Variants in DNAH8 observed in about 807,000 individuals in gnomAD.
The protein encoded by DNAH8 is axonemal beta dynein heavy chain 8.
A neutral mutation model predicts 562.1 loss-of-function variants in DNAH8; 382 were observed. The ratio of observed to expected loss-of-function variants is 0.68; its 90% CI spans 0.63 to 0.74. DNAH8 has a LOEUF of 0.74. Ranked by LOEUF, DNAH8 falls within the 30% of genes least tolerant of loss-of-function variation. The pLI, the probability that DNAH8 is intolerant of heterozygous loss-of-function variation, is 0.00. For missense variants in DNAH8, 5,203 were observed against 5,620.4 expected, an observed-to-expected ratio of 0.93 and a Z score of 2.37; for synonymous variants, 1,881 against 1,919.4, an observed-to-expected ratio of 0.98 and a Z score of 0.52.
chr6:38,744,032 C>A (rs1485475608), intron 8 of DNAH8: 1 of 152,066 alleles, frequency 6.6e-6, no homozygotes, highest in Non-Finnish European at 1.5e-5. Flanking sequence ...GTTGGACACT[C>A]CACAACTTTT....
chr6:38,734,500 A>G lies in DNAH8; in HGVS notation c.637A>G (p.Thr213Ala). 6.2e-7 allele frequency: 1 copy of G among 1,613,870 alleles called. No individual in the cohort carries two copies. The highest frequency in any genetic ancestry group is 8.5e-7 in the Non-Finnish European group (1 of 1,179,950). Reference protein sequence around the residue: ...IECGRTIAGATKGAKMMKLYI... With the variant: ...IECGRTIAGAAKGAKMMKLYI... ...ATGTGGTCGAACTATTGCTGGAGCA[A>G]CTAAAGGGGCAAAAATGATGAAATT... is the stretch of plus-strand genomic sequence containing the variant. The change falls in exon 5 of 93, where the codon ACT becomes GCT. Residue 213 changes from threonine to alanine, a missense_variant. Thr to Ala is a moderately conservative substitution (Grantham distance 58). Around this residue, in one of 6 missense-constraint regions of DNAH8, gnomAD observed 556 missense variants for 496.9 expected, o/e 1.12. Coordinates refer to ENST00000327475, the MANE Select transcript of DNAH8 (RefSeq NM_001206927.2).
chr6:38,952,331 C>G (rs557569226), intron 82 of DNAH8, among the ~76,000 whole-genome samples: 1 of 152,102 alleles, frequency 6.6e-6, no homozygotes, highest in Admixed American at 6.5e-5. Flanking sequence ...CAGGACTGAG[C>G]CATCCTGTAA....
intron 10 of DNAH8, among the ~76,000 whole-genome samples, chr6:38,758,944 A>T (rs985403023): frequency 7.2e-5 from 11 of 152,142 alleles, no homozygotes; most frequent in African/African-American, 2.7e-4. Flanking sequence ...TATTTTATTG[A>T]GGATTTTTGC....
chr6:38,721,643 G>C (rs903180942), intron 1 of DNAH8, among the ~76,000 whole-genome samples: 7 of 152,176 alleles, frequency 4.6e-5, no homozygotes, highest in African/African-American at 1.7e-4. Flanking sequence ...TGGGTAAACT[G>C]GTTAACTAGC....
At position 38,737,823 on chromosome 6, in the gene DNAH8, A is replaced by G. The variant is rs1764214774; in HGVS notation, c.967A>G (p.Ile323Val). The change falls in exon 7 of 93, where the codon ATT becomes GTT. Residue 323 changes from isoleucine to valine, a missense_variant. Physicochemically the swap from Ile to Val is conservative, Grantham distance 29. This residue lies in a region of DNAH8 where 556 missense variants were observed against 496.9 expected (regional missense o/e 1.12). Transcript: ENST00000327475. Reference protein sequence around the residue: ...LSFLDGARISIEGTVKLKTID... With the variant: ...LSFLDGARISVEGTVKLKTID... ...TTCCTTTTTAGGTGCTAGAATAAGT[A>G]TTGAGGGAACAGTGAAGTTAAAGAC... 1.3e-6 allele frequency: 2 copies of G among 1,543,264 alleles called. No homozygotes were observed. Among genetic ancestry groups the G allele is most frequent in the African/African-American group, 1.4e-5 (1 of 70,640 alleles).
At chr6:38,978,719 C>A (rs985750738) in intron 85 of DNAH8, among the ~76,000 whole-genome samples, 3 of 152,130 alleles carry the variant, frequency 2.0e-5, no homozygotes, top group Non-Finnish European at 4.4e-5. Flanking sequence ...TGAGGTAGAA[C>A]CTAACGTAAA....
At chr6:38,809,160 A>C (rs750212305) in intron 24 of DNAH8, among the ~76,000 whole-genome samples, 1 of 151,498 alleles carries the variant, frequency 6.6e-6, no homozygotes, top group Non-Finnish European at 1.5e-5. Context: ...TTAATTCATA[A>C]GTATTCTTAG....
Position 38,786,638 on chromosome 6 carries a change from G to A in DNAH8, c.2396-127G>A, listed in dbSNP as rs1021561809. On this transcript the variant is annotated intron_variant, in intron 17 of 92. Coordinates refer to ENST00000327475, the MANE Select transcript of DNAH8 (RefSeq NM_001206927.2). The stretch of plus-strand genomic sequence containing the variant: ...GCCAGACGCTGTGCCTTAGCACCTG[G>A]GGCATCCAAAACATTTCCTTTGCCC... 2.7e-5 allele frequency: 23 copies of A among 866,768 alleles called. No homozygotes were observed. In the East Asian group the frequency reaches 4.3e-4, roughly 16 times the overall value. 53.7% of individuals were successfully genotyped at this position (866,768 alleles called of 1,614,324 possible). A position where few individuals can be genotyped will look rare whatever the true frequency, so the allele number is the denominator to read the frequency against.
chr6:38,974,677 T>C (rs745592915), intron 85 of DNAH8, 148 bp downstream of exon 85: 7 of 633,862 alleles, frequency 1.1e-5, no homozygotes, highest in Non-Finnish European at 1.9e-5. Context: ...CCTGGTATAG[T>C]GTATATTTGT....
At chr6:38,759,892 G>A (rs1450961274) in intron 10 of DNAH8, among the ~76,000 whole-genome samples, 91 of 152,212 alleles carry the variant, frequency 6.0e-4, no homozygotes, top group Non-Finnish European at 7.4e-5. Flanking sequence ...TGCCCATGCT[G>A]TGTTCAGAGT....
At chr6:38,992,604 G>A (rs916659067) in intron 88 of DNAH8, among the ~76,000 whole-genome samples, 2 of 152,138 alleles carry the variant, frequency 1.3e-5, no homozygotes, top group African/African-American at 4.8e-5. Context: ...TCCTTGACAA[G>A]AGACTGGGGA....
rs751697426 is a variant in DNAH8, at chr6:38,931,894, C to T, written c.11358C>T (p.Thr3786=). The change falls in exon 76 of 93, where the codon ACC becomes ACT. Residue 3786 remains threonine, a synonymous_variant. Transcript: ENST00000327475. ...ITTKLPNPAF[T]PEINAKTSVI... ...CGAAGTTACCAAATCCTGCCTTTACCCCAGAGATTAATGCTAAAACGTCAG... is the reference window on the plus strand; with the variant it reads ...CGAAGTTACCAAATCCTGCCTTTACTCCAGAGATTAATGCTAAAACGTCAG... 3 of 1,610,838 alleles carry T rather than the reference C, an allele frequency of 1.9e-6. No homozygotes were observed. The highest frequency in any genetic ancestry group is 2.5e-6 in the Non-Finnish European group (3 of 1,178,562).
chr6:38,727,906 C>G (rs1016942831), intron 3 of DNAH8, among the ~76,000 whole-genome samples: 7 of 152,116 alleles, frequency 4.6e-5, no homozygotes, highest in Non-Finnish European at 1.0e-4. Flanking sequence ...AATTTGGACA[C>G]CCAAAGCTGA....
chr6:38,974,549 T>C lies in DNAH8; in HGVS notation c.12834+20T>C. On this transcript the variant is annotated intron_variant, in intron 85 of 92. Transcript: ENST00000327475. ...GTGCAGGTAACTGCAGAAAGCAGTT[T>C]TCACATTTAGGAGATGGCCAGTGGT... The C allele has an allele frequency of 4.4e-6, 7 of 1,607,974 alleles. No individual in the cohort carries two copies. In the South Asian group the frequency reaches 7.8e-5, roughly 18 times the overall value.
At chr6:38,856,457 A>G (rs769907292) in intron 41 of DNAH8, among the ~76,000 whole-genome samples, 2 of 151,912 alleles carry the variant, frequency 1.3e-5, no homozygotes, top group African/African-American at 4.8e-5. Flanking sequence ...CTGCTGGTCT[A>G]TTTGTCTTTA....
Position 38,817,789 on chromosome 6 carries a change from G to T in DNAH8, c.3523+2132G>T, listed in dbSNP as rs191977494. On this transcript the variant is annotated intron_variant, in intron 26 of 92. Transcript: ENST00000327475. ...AGAGGCAAGAAGAGCTAGGGAAAAAGCATGTGGATGTATCTATGAATTTAC... is the reference window on the plus strand; with the variant it reads ...AGAGGCAAGAAGAGCTAGGGAAAAATCATGTGGATGTATCTATGAATTTAC... Among the ~76,000 whole-genome samples the T allele has an allele frequency of 2.0e-5, 3 of 152,276 alleles. No individual in the cohort carries two copies. The South Asian group carries it at 6.2e-4, about 32-fold the overall frequency.
chr6:38,974,577 G>A (rs893301962), intron 85 of DNAH8, 48 bp downstream of exon 85: 1 of 1,519,650 alleles, frequency 6.6e-7, no homozygotes, highest in African/African-American at 1.4e-5. Context: ...CCAGTGGTGT[G>A]CTGAGGCCCC....
intron 59 of DNAH8, among the ~76,000 whole-genome samples, chr6:38,895,471 G>T (rs1172713651): frequency 6.6e-6 from 1 of 152,144 alleles, no homozygotes; most frequent in East Asian, 1.9e-4. Context: ...TACAAATTTT[G>T]TGAGCTCTTT....
chr6:38,744,789 G>C (rs1405553107), intron 8 of DNAH8, among the ~76,000 whole-genome samples: 1 of 151,976 alleles, frequency 6.6e-6, no homozygotes, highest in Non-Finnish European at 1.5e-5. Context: ...ATAGAGATAG[G>C]ATCTTACTGT....
Sources: gnomAD v4.1 joint callset for allele counts (sites outside exome capture counted in the v4.1 genomes callset) on GRCh38, gnomAD v4.1.1 for gene constraint, gnomAD v4.1.1 regional missense constraint, MANE v1.5 for transcripts, NCBI Gene and HGNC (gene_info 2026-07-23, HGNC 2026-07-21) for gene names.